Variants in IL1RAPL1 observed in about 807,000 individuals in gnomAD.
IL1RAPL1 encodes the protein interleukin 1 receptor accessory protein like 1.
In IL1RAPL1, 3 loss-of-function variants were observed where a neutral mutation model predicts 48.4. The ratio of observed to expected loss-of-function variants is 0.06; its 90% CI spans 0.03 to 0.16. The LOEUF is 0.16. Among genes scored for constraint, IL1RAPL1 ranks in the 10% least tolerant of loss-of-function variants. The pLI, the probability that IL1RAPL1 is intolerant of heterozygous loss-of-function variation, is 1.00. For missense variants in IL1RAPL1, 349 were observed against 530.6 expected (o/e 0.66, Z 3.36); for synonymous variants, 185 against 187.7 (o/e 0.99, Z 0.12).
chrX:29,589,340 A>G lies in IL1RAPL1; in HGVS notation c.704-79090A>G, dbSNP rs181169257. Among the ~76,000 whole-genome samples the G allele has an allele frequency of 3.2e-3, 358 of 111,800 alleles. 3 individuals carry two copies. The highest frequency in any genetic ancestry group is 0.011 in the African/African-American group (346 of 30,792). ...TATTCATAGTTAGCGAGCATCTTCT[A>G]TGTGTCAGTCACTGCTCTAGGTGCT... is the stretch of plus-strand genomic sequence containing the variant. On this transcript the variant is annotated intron_variant, in intron 5 of 10. Transcript: ENST00000378993.
chrX:29,683,809 A>C (rs1334122232), intron 6 of IL1RAPL1, among the ~76,000 whole-genome samples: 1 of 112,311 alleles, frequency 8.9e-6, no homozygotes, highest in Non-Finnish European at 1.9e-5. Context: ...AATTCCATTG[A>C]ATATAAACTT....
At chrX:29,029,070 C>T (rs1354952132) in intron 2 of IL1RAPL1, among the ~76,000 whole-genome samples, 1 of 111,314 alleles carries the variant, frequency 9.0e-6, no homozygotes, top group African/African-American at 3.3e-5. Flanking sequence ...CACAAGGTGG[C>T]AAGAAGGAGA....
At chrX:29,176,218 T>G (rs749644312) in intron 2 of IL1RAPL1, among the ~76,000 whole-genome samples, 1 of 105,564 alleles carries the variant, frequency 9.5e-6, no homozygotes, top group Admixed American at 1.0e-4. Flanking sequence ...CTCAGCCGCC[T>G]GAGTAGCTGG....
At chrX:29,531,179 T>A (rs1254593566) in intron 5 of IL1RAPL1, among the ~76,000 whole-genome samples, 1 of 110,356 alleles carries the variant, frequency 9.1e-6, no homozygotes, top group Non-Finnish European at 1.9e-5. Flanking sequence ...GTTTTTTTTT[T>A]AATAGCCATT....
At chrX:28,841,212 T>A (rs1164472408) in intron 2 of IL1RAPL1, among the ~76,000 whole-genome samples, 1 of 110,872 alleles carries the variant, frequency 9.0e-6, no homozygotes, top group Non-Finnish European at 1.9e-5. Flanking sequence ...TAGACAAATT[T>A]ACACTTATTA....
At chrX:29,668,860 C>A (rs1926071626) in intron 6 of IL1RAPL1, among the ~76,000 whole-genome samples, 1 of 111,338 alleles carries the variant, frequency 9.0e-6, no homozygotes, top group Admixed American at 9.6e-5. Context: ...GGTTAAGATG[C>A]AATTTCTGAA....
At chrX:28,749,522 G>C (rs996812271) in intron 1 of IL1RAPL1, among the ~76,000 whole-genome samples, 1 of 111,545 alleles carries the variant, frequency 9.0e-6, no homozygotes, top group Non-Finnish European at 1.9e-5. Context: ...GTGATGTTGA[G>C]CATTTTTTTC....
intron 6 of IL1RAPL1, among the ~76,000 whole-genome samples, chrX:29,713,287 G>A (rs1271670468): frequency 9.0e-6 from 1 of 111,714 alleles, no homozygotes; most frequent in African/African-American, 3.2e-5. Context: ...ATATCAAATA[G>A]TGATCAGTGT....
intron 2 of IL1RAPL1, among the ~76,000 whole-genome samples, chrX:29,243,423 G>C (rs918252669): frequency 9.0e-6 from 1 of 111,576 alleles, no homozygotes; most frequent in Non-Finnish European, 1.9e-5. Context: ...TCACCTATTA[G>C]GTCAAGCACT....
intron 6 of IL1RAPL1, among the ~76,000 whole-genome samples, chrX:29,885,280 TA>T (rs1932127722): frequency 8.9e-6 from 1 of 112,298 alleles, no homozygotes; most frequent in Non-Finnish European, 1.9e-5. Flanking sequence ...ATTGCAAACC[TA>T]TTCTACTGCC....
At position 29,588,410 on chromosome X, in the gene IL1RAPL1, A is replaced by T. The variant is rs183688529; in HGVS notation, c.704-80020A>T. 6.4e-3 allele frequency among the ~76,000 whole-genome samples: 721 copies of T among 112,342 alleles called. 5 individuals are homozygous for T. Among genetic ancestry groups the T allele is most frequent in the South Asian group, 0.015 (42 of 2,712 alleles). ...TGAACAGCTGTAGTACCTCAAATTG[A>T]TAGAAGCTATGAGTTATATGCAACT... On this transcript the variant is annotated intron_variant, in intron 5 of 10. Coordinates refer to ENST00000378993, the MANE Select transcript of IL1RAPL1 (RefSeq NM_014271.4).
chrX:29,267,911 A>G (rs1251024253), intron 2 of IL1RAPL1, among the ~76,000 whole-genome samples: 1 of 111,710 alleles, frequency 9.0e-6, no homozygotes, highest in Non-Finnish European at 1.9e-5. Flanking sequence ...GTAGCAACAG[A>G]CTTAGGAGTC....
chrX:29,053,534 G>A (rs1602032001), intron 2 of IL1RAPL1, among the ~76,000 whole-genome samples: 1 of 111,706 alleles, frequency 9.0e-6, no homozygotes, highest in Non-Finnish European at 1.9e-5. Flanking sequence ...AACCTTGCCA[G>A]CACCTGTTAT....
intron 2 of IL1RAPL1, among the ~76,000 whole-genome samples, chrX:29,064,604 T>C (rs1248896497): frequency 9.0e-6 from 1 of 111,694 alleles, no homozygotes; most frequent in East Asian, 2.8e-4. Flanking sequence ...TTCTTTGAGA[T>C]GGAGTCTCGC....
At chrX:29,923,596 A>C (rs1932862988) in intron 8 of IL1RAPL1, among the ~76,000 whole-genome samples, 1 of 111,610 alleles carries the variant, frequency 9.0e-6, no homozygotes. Flanking sequence ...AGCGCTGACA[A>C]ATTAGATATT....
intron 2 of IL1RAPL1, among the ~76,000 whole-genome samples, chrX:28,935,498 C>T (rs1410178324): frequency 6.3e-5 from 7 of 111,729 alleles, no homozygotes; most frequent in Admixed American, 2.9e-4. Flanking sequence ...TCCATCTTTA[C>T]ACCAGTACCA....
intron 6 of IL1RAPL1, among the ~76,000 whole-genome samples, chrX:29,743,046 CG>C (rs1260017037): frequency 3.7e-5 from 4 of 109,200 alleles, no homozygotes; most frequent in Non-Finnish European, 5.7e-5. Context: ...TGTATAAATA[CG>C]TTTATATATG....
At chrX:29,908,959 T>C (rs1210971356) in intron 6 of IL1RAPL1, among the ~76,000 whole-genome samples, 1 of 112,067 alleles carries the variant, frequency 8.9e-6, no homozygotes, top group African/African-American at 3.2e-5. Flanking sequence ...CATTTTATGT[T>C]CATACACTCC....
intron 2 of IL1RAPL1, among the ~76,000 whole-genome samples, chrX:29,217,179 C>T (rs142216986): frequency 1.1e-4 from 12 of 112,243 alleles, no homozygotes; most frequent in Non-Finnish European, 2.1e-4. Flanking sequence ...CCCTTTTCAA[C>T]AAACCTGTGA....
Sources: allele counts gnomAD v4.1 joint callset (sites outside exome capture counted in the v4.1 genomes callset), GRCh38; gene constraint gnomAD v4.1.1; transcripts MANE v1.5; gene names NCBI Gene and HGNC (gene_info 2026-07-23, HGNC 2026-07-21).